The following MCU variants were observed in gnomAD, a reference collection of about 807,000 sequenced individuals.
MCU encodes the protein calcium uniporter protein, mitochondrial.
Under a neutral mutation model 45.2 loss-of-function variants are expected in MCU, and 12 were observed. The observed-to-expected ratio is 0.27, with a 90% CI of 0.17 to 0.43. MCU has a LOEUF of 0.43. Among genes scored for constraint, MCU ranks in the 20% least tolerant of loss-of-function variants. The pLI, the probability that MCU is intolerant of heterozygous loss-of-function variation, is 1.00. For missense variants in MCU, 324 were observed against 436.7 expected (o/e 0.74, Z 2.30); for synonymous variants, 160 against 165.1 (o/e 0.97, Z 0.24).
chr10:72,735,067 T>G (rs1394940234), intron 1 of MCU, among the ~76,000 whole-genome samples: 1 of 149,574 alleles, frequency 6.7e-6, no homozygotes, highest in African/African-American at 2.5e-5. Context: ...CAGAGTGAGA[T>G]TGTCTCAAAA....
intron 1 of MCU, among the ~76,000 whole-genome samples, chr10:72,787,375 TCTC>T (rs1844089925): frequency 6.6e-6 from 1 of 152,128 alleles, no homozygotes; most frequent in African/African-American, 2.4e-5. Context: ...TTCAAGCAGT[TCTC>T]CTGCCTCAGC....
chr10:72,884,410 C>G (rs184814366), intron 7 of MCU, 28 bp downstream of exon 7: 1 of 1,270,768 alleles, frequency 7.9e-7, no homozygotes, highest in Admixed American at 1.7e-5. Context: ...TAAAATAAAT[C>G]CCAGCCCTAT....
chr10:72,816,968 A>C (rs188789732), intron 1 of MCU, among the ~76,000 whole-genome samples: 1 of 152,198 alleles, frequency 6.6e-6, no homozygotes, highest in African/African-American at 2.4e-5. Context: ...ATGTATTTCT[A>C]TTTCTTTACT....
chr10:72,786,737 C>T (rs1184180218), intron 1 of MCU, among the ~76,000 whole-genome samples: 1 of 151,934 alleles, frequency 6.6e-6, no homozygotes, highest in Admixed American at 6.6e-5. Context: ...CAGAGCGAGA[C>T]AATGTCTCAA....
At chr10:72,866,987 GAT>G (rs759960680) in intron 4 of MCU, among the ~76,000 whole-genome samples, 24 of 150,746 alleles carry the variant, frequency 1.6e-4, no homozygotes, top group South Asian at 4.2e-4. Context: ...GATTGACATA[GAT>G]GACTTTTGGA....
chr10:72,724,908 T>TG (rs1307207871), intron 1 of MCU, among the ~76,000 whole-genome samples: 7 of 152,228 alleles, frequency 4.6e-5, no homozygotes. Flanking sequence ...AACGAATCTT[T>TG]GGGGCATCTG....
chr10:72,821,912 A>G (rs959191927), intron 1 of MCU, among the ~76,000 whole-genome samples: 6 of 152,190 alleles, frequency 3.9e-5, no homozygotes, highest in African/African-American at 1.4e-4. Flanking sequence ...ATGTTCTCTA[A>G]CCACAGTGGA....
chr10:72,818,498 G>A (rs1844658822), intron 1 of MCU, among the ~76,000 whole-genome samples: 1 of 152,124 alleles, frequency 6.6e-6, no homozygotes, highest in Non-Finnish European at 1.5e-5. Flanking sequence ...TTAGTGAATT[G>A]TTTAGTAGCA....
At chr10:72,783,873 T>TA in intron 1 of MCU, among the ~76,000 whole-genome samples, 1 of 152,332 alleles carries the variant, frequency 6.6e-6, no homozygotes, top group Middle Eastern at 3.4e-3. Flanking sequence ...TATTTCTTTT[T>TA]AAAAAATTGT....
At chr10:72,786,518 G>T (rs1481925214) in intron 1 of MCU, among the ~76,000 whole-genome samples, 1 of 152,128 alleles carries the variant, frequency 6.6e-6, no homozygotes, top group East Asian at 1.9e-4. Context: ...GCTGAGGCGG[G>T]CAGATCACGT....
chr10:72,835,337 T>C (rs1055344287), intron 2 of MCU, among the ~76,000 whole-genome samples: 1 of 152,190 alleles, frequency 6.6e-6, no homozygotes, highest in African/African-American at 2.4e-5. Flanking sequence ...GTATTGTGCA[T>C]TTACAGTTTA....
chr10:72,781,447 A>G (rs1045300025), intron 1 of MCU, among the ~76,000 whole-genome samples: 1 of 152,248 alleles, frequency 6.6e-6, no homozygotes, highest in Non-Finnish European at 1.5e-5. Flanking sequence ...CTTAAGTCCT[A>G]GTCAGGTTAT....
intron 1 of MCU, among the ~76,000 whole-genome samples, chr10:72,717,206 C>T (rs993255455): frequency 2.5e-4 from 38 of 149,360 alleles, no homozygotes; most frequent in African/African-American, 8.9e-4. Context: ...TTAAGAGTAT[C>T]GGTCTTAATT....
chr10:72,877,008 A>G (rs959989834), intron 6 of MCU, among the ~76,000 whole-genome samples: 2 of 149,804 alleles, frequency 1.3e-5, no homozygotes, highest in Admixed American at 6.7e-5. Flanking sequence ...TGAAGCATCT[A>G]CCTCTCAGAC....
At chr10:72,869,414 G>A (rs370842178) in intron 5 of MCU, among the ~76,000 whole-genome samples, 6 of 152,270 alleles carry the variant, frequency 3.9e-5, no homozygotes, top group African/African-American at 1.2e-4. Context: ...GCAAAACCCC[G>A]TCTCTCCTAA....
At chr10:72,860,641 A>C in intron 4 of MCU, 114 bp downstream of exon 4, 1 of 759,830 alleles carries the variant, frequency 1.3e-6, no homozygotes, top group Non-Finnish European at 2.2e-6. Flanking sequence ...AGAACACTGA[A>C]AGTTTTATAT....
intron 1 of MCU, among the ~76,000 whole-genome samples, chr10:72,744,667 G>A (rs1255338665): frequency 1.3e-5 from 2 of 152,150 alleles, no homozygotes; most frequent in Admixed American, 6.6e-5. Context: ...ATGCCAACTG[G>A]TCACAGCTTT....
intron 1 of MCU, among the ~76,000 whole-genome samples, chr10:72,823,608 A>C (rs7095759): frequency 0.089 from 13,531 of 152,164 alleles, 2,021 homozygotes; most frequent in African/African-American, 0.31. Flanking sequence ...TATTAATCTT[A>C]ATGTGTTCAT....
intron 1 of MCU, among the ~76,000 whole-genome samples, chr10:72,785,016 A>C (rs1056009244): frequency 1.3e-5 from 2 of 152,190 alleles, no homozygotes; most frequent in Non-Finnish European, 2.9e-5. Context: ...CAAGGATTTT[A>C]GGCTTCTACA....
Sources: allele counts gnomAD v4.1 joint callset (sites outside exome capture counted in the v4.1 genomes callset), GRCh38; gene constraint gnomAD v4.1.1; transcripts MANE v1.5; gene names NCBI Gene and HGNC (gene_info 2026-07-23, HGNC 2026-07-21).